The following BAHCC1 variants were observed in gnomAD, a reference collection of about 807,000 sequenced individuals.
BAHCC1 encodes BAH and coiled-coil domain-containing protein 1.
A neutral mutation model predicts 88.2 loss-of-function variants in BAHCC1; 43 were observed. That is an observed-to-expected ratio of 0.49 (90% CI 0.38 to 0.63). The LOEUF (loss-of-function observed/expected upper bound fraction) is 0.63, where lower values mean the gene tolerates loss of function less well. BAHCC1 is among the 20% of genes least tolerant of loss of function. BAHCC1 has a pLI of 0.00. For missense variants in BAHCC1, 3,023 were observed against 1,654.8 expected (o/e 1.83, Z -14.34); for synonymous variants, 1,510 against 745.5 (o/e 2.03, Z -16.71).
intron 17 of BAHCC1, 63 bp from the exon 18 acceptor site, chr17:81,458,102 C>A: frequency 2.8e-6 from 2 of 705,324 alleles, no homozygotes; most frequent in South Asian, 3.0e-5. Context: ...CCGGCACAGT[C>A]AGCCCAACCA....
chr17:81,410,590 G>A (rs566568976), intron 2 of BAHCC1, among the ~76,000 whole-genome samples: 7 of 152,054 alleles, frequency 4.6e-5, no homozygotes, highest in East Asian at 1.9e-4. Context: ...ACCACGGGTC[G>A]AGGCACCACG....
At position 81,461,249 on chromosome 17, in the gene BAHCC1, AAGGGTGGGCG is replaced by A; in HGVS notation, c.6587_6596del (p.Lys2196SerfsTer17). 2 of 707,068 alleles carry A rather than the reference AAGGGTGGGCG, an allele frequency of 2.8e-6. No individual in the cohort carries two copies. Among genetic ancestry groups the A allele is most frequent in the Non-Finnish European group, 5.2e-6 (2 of 384,034 alleles). The allele number at this position is 707,068 out of a possible 1,614,324, so 43.8% of individuals were successfully genotyped here. The stretch of plus-strand genomic sequence containing the variant: ...GAAGGCCGAGAGGGTGGAGGCCGAG[AAGGGTGGGCG>A]GCGGCGGGCGGGCGGTGAGTTCCTG... On this transcript the variant is annotated frameshift_variant, in exon 26 of 28. Transcript: ENST00000675386.
rs72853220 is a variant in BAHCC1 at position 81,416,009 on chromosome 17, T to C, written c.179-10791T>C. Among the ~76,000 whole-genome samples, 117 of 147,122 alleles carry C rather than the reference T, an allele frequency of 8.0e-4. 1 individual carries two copies. The highest frequency in any genetic ancestry group is 7.4e-3 in the East Asian group (37 of 5,024). On this transcript the variant is annotated intron_variant, in intron 2 of 27. Coordinates refer to ENST00000675386, the MANE Select transcript of BAHCC1 (RefSeq NM_001377448.1). ...GTCCATGAGGATGGGTGTATGCGCG[T>C]GTGTGTGTGTCCATGAGGATGGGTG...
In BAHCC1 at chr17:81,460,551, T is replaced by C. The variant is rs782110930; in HGVS notation, c.6047T>C (p.Leu2016Pro). 3 of 762,356 alleles carry C rather than the reference T, an allele frequency of 3.9e-6. No individual in the cohort carries two copies. The Admixed American group carries it at 5.3e-5, about 13-fold the overall frequency. The allele number at this position is 762,356 out of a possible 1,614,324, so 47.2% of individuals were successfully genotyped here. ...ACAGGCACAGAGCCCTCTCCAGCCCTGCTAGTGTCTAGCAGCTGCCGGAGG... is the reference window on the plus strand; with the variant it reads ...ACAGGCACAGAGCCCTCTCCAGCCCCGCTAGTGTCTAGCAGCTGCCGGAGG... ...KIQCTEPSPA[L>P]LVSSSCRRTK... is the part of the protein sequence containing the mutation. The change falls in exon 25 of 28, where the codon CTG becomes CCG. Residue 2016 changes from leucine to proline, a missense_variant. Physicochemically the swap from Leu to Pro is moderately conservative, Grantham distance 98 (BLOSUM62 -3). Coordinates refer to ENST00000675386, the MANE Select transcript of BAHCC1 (RefSeq NM_001377448.1).
intron 10 of BAHCC1, 28 bp from the exon 11 acceptor site, chr17:81,447,008 C>A: frequency 1.3e-6 from 1 of 777,966 alleles, no homozygotes. Context: ...ACTCCCAGCT[C>A]CCTGCTGACC....
Position 81,443,311 on chromosome 17 carries a change from C to T in BAHCC1, c.1962C>T (p.Gly654=), listed in dbSNP as rs376552686. 2.1e-5 allele frequency: 16 copies of T among 779,138 alleles called. No homozygotes were observed. Among genetic ancestry groups the T allele is most frequent in the Non-Finnish European group, 3.6e-5 (15 of 417,838 alleles). The allele number at this position is 779,138 out of a possible 1,614,324, so 48.3% of individuals were successfully genotyped here. Residue 654 remains glycine, a synonymous_variant, in exon 5 of 28, where the codon GGC becomes GGT. Transcript: ENST00000675386. ...TGGGCCAGAAAGCACCCTTGGTGGGCCTGGGTGGCCTCAAGGCCAGCTGCA... is the reference window on the plus strand; with the variant it reads ...TGGGCCAGAAAGCACCCTTGGTGGGTCTGGGTGGCCTCAAGGCCAGCTGCA... ...LVVGQKAPLV[G]LGGLKASCIQ...
intron 3 of BAHCC1, among the ~76,000 whole-genome samples, chr17:81,437,988 C>T (rs781942145): frequency 3.9e-5 from 6 of 152,254 alleles, no homozygotes; most frequent in Non-Finnish European, 8.8e-5. Flanking sequence ...CCTGGTTCTC[C>T]TTTGGCCAGG....
chr17:81,413,115 TTC>T, intron 2 of BAHCC1: 1 of 445,946 alleles, frequency 2.2e-6, no homozygotes, highest in South Asian at 1.6e-5. Context: ...TATCAGGGCC[TTC>T]TCTGAGGCCC....
In BAHCC1 at chr17:81,399,708, G is replaced by A; in HGVS notation, c.-32G>A. 1 of 1,017,534 alleles carries A rather than the reference G, an allele frequency of 9.8e-7. No individual in the cohort carries two copies. The allele number at this position is 1,017,534 out of a possible 1,614,324, so 63.0% of individuals were successfully genotyped here. On this transcript the variant is annotated 5_prime_UTR_variant, in exon 2 of 28. Coordinates refer to ENST00000675386, the MANE Select transcript of BAHCC1 (RefSeq NM_001377448.1). This position sits in a 1 kb window ranked among gnomAD's most constrained non-coding sequence, Gnocchi z 4.5. ...CGGGCCCCGGCCGCGCTGCTCCGAG[G>A]AAGCGGCGGCGGACCGGGGCCGGGG...
At chr17:81,398,215 A>C (rs1218040329) in intron 1 of BAHCC1, among the ~76,000 whole-genome samples, 2 of 152,258 alleles carry the variant, frequency 1.3e-5, no homozygotes, top group East Asian at 3.8e-4. Context: ...AAGTGCGTCC[A>C]GGGAGCGCCT....
At chr17:81,397,146 C>T (rs980219016) in intron 1 of BAHCC1, 73 of 152,332 alleles carry the variant, frequency 4.8e-4, no homozygotes, top group Middle Eastern at 3.4e-3. Context: ...CGCGGCCTCT[C>T]CCCGGGAGGA....
intron 3 of BAHCC1, among the ~76,000 whole-genome samples, chr17:81,427,373 A>AG (rs2064212782): frequency 6.6e-6 from 1 of 152,024 alleles, no homozygotes; most frequent in South Asian, 2.1e-4. Context: ...TGCCAGCTGG[A>AG]GGAGGGGGCC....
intron 2 of BAHCC1, among the ~76,000 whole-genome samples, chr17:81,418,820 T>TGTGTGTGTGTGTAC (rs2064075994): frequency 6.6e-6 from 1 of 151,076 alleles, no homozygotes; most frequent in Non-Finnish European, 1.5e-5. Flanking sequence ...CGTGTGTGTG[T>TGTGTGTGTGTGTAC]GTGTGTGTGT....
rs1167431514 is a variant in BAHCC1 at position 81,435,507 on chromosome 17, C to T, written c.359-2863C>T. The T allele has an allele frequency of 4.2e-6, 2 of 470,798 alleles. No individual in the cohort carries two copies. Among genetic ancestry groups the T allele is most frequent in the East Asian group, 1.4e-4 (2 of 14,404 alleles). 29.2% of individuals were successfully genotyped at this position (470,798 alleles called of 1,614,324 possible). A position where few individuals can be genotyped will look rare whatever the true frequency, so the allele number is the denominator to read the frequency against. On this transcript the variant is annotated intron_variant, in intron 3 of 27. Coordinates refer to ENST00000675386, the MANE Select transcript of BAHCC1 (RefSeq NM_001377448.1). This position sits in a 1 kb window ranked among gnomAD's most constrained non-coding sequence, Gnocchi z 4.4. ...GCGGTTCGCTTAGCCCAGGGCTTGCCCTTGTCTGTTGGGGTGATCATAAAA... is the reference window on the plus strand; with the variant it reads ...GCGGTTCGCTTAGCCCAGGGCTTGCTCTTGTCTGTTGGGGTGATCATAAAA...
At chr17:81,421,396 G>T (rs1165262718) in intron 2 of BAHCC1, among the ~76,000 whole-genome samples, 2 of 152,216 alleles carry the variant, frequency 1.3e-5, no homozygotes, top group Non-Finnish European at 2.9e-5. Context: ...GCCAGTCACG[G>T]TGCCATCCCC....
intron 14 of BAHCC1, among the ~76,000 whole-genome samples, chr17:81,454,447 C>T (rs1387483345): frequency 6.6e-6 from 1 of 152,168 alleles, no homozygotes; most frequent in African/African-American, 2.4e-5. Context: ...TTAAGACCCG[C>T]GTGGAGGACA....
chr17:81,422,672 C>T (rs1221018880), intron 2 of BAHCC1, among the ~76,000 whole-genome samples: 4 of 152,192 alleles, frequency 2.6e-5, no homozygotes, highest in African/African-American at 4.8e-5. Context: ...CGTGGGACAC[C>T]GGGGAGTGTC....
Position 81,411,357 on chromosome 17 carries a change from G to A in BAHCC1, c.178+11440G>A, listed in dbSNP as rs2063947966. The stretch of plus-strand genomic sequence containing the variant: ...GAGAGTGAGGCTGGAGAGACGGGAG[G>A]CACCGGTGCCCTGTGGGTGGGAGCA... On this transcript the variant is annotated intron_variant, in intron 2 of 27. Transcript: ENST00000675386. This position sits in a 1 kb window ranked among gnomAD's most constrained non-coding sequence, Gnocchi z 6.2. Among the ~76,000 whole-genome samples, 1 of 144,190 alleles carries A rather than the reference G, an allele frequency of 6.9e-6. No homozygotes were observed. The highest frequency in any genetic ancestry group is 2.4e-4 in the South Asian group (1 of 4,128). The allele number at this position is 144,190 out of a possible 152,430, so 94.6% of individuals were successfully genotyped here.
At chr17:81,440,536 C>T (rs1568015850) in intron 4 of BAHCC1, among the ~76,000 whole-genome samples, 1 of 152,216 alleles carries the variant, frequency 6.6e-6, no homozygotes, top group African/African-American at 2.4e-5. Flanking sequence ...TCAGCTCCCT[C>T]TGCTCTTGGC....
Sources: allele counts gnomAD v4.1 joint callset (sites outside exome capture counted in the v4.1 genomes callset), GRCh38; gene constraint gnomAD v4.1.1; non-coding constraint Gnocchi (gnomAD v3.1); transcripts MANE v1.5; gene names NCBI Gene and HGNC (gene_info 2026-07-23, HGNC 2026-07-21).